Variants in SLC24A2 observed in about 807,000 individuals in gnomAD.
SLC24A2 encodes the protein sodium/potassium/calcium exchanger 2.
SLC24A2 carries 36 observed loss-of-function variants against 62.0 expected under a neutral mutation model. The observed-to-expected ratio is 0.58, with a 90% confidence interval of 0.44 to 0.77. The LOEUF (loss-of-function observed/expected upper bound fraction) is 0.77. SLC24A2 is among the 30% of genes least tolerant of loss of function. The probability of loss-of-function intolerance (pLI) is 0.00; values close to 1 mark genes in which losing one functional copy is unlikely to be tolerated. For synonymous variants in SLC24A2, 358 were observed against 294.0 expected (o/e 1.22, Z -2.23); for missense variants, 846 against 817.9 (o/e 1.03, Z -0.42).
In SLC24A2 at chr9:19,556,280, T is replaced by C. The variant is rs528899392; in HGVS notation, c.1348-6012A>G. ...TTTGGTATAGAAGTTTGCCCCCAAA[T>C]AAACATCAGGTCTTCGGTGGAGAAG... On this transcript the variant is annotated intron_variant, in intron 7 of 10. Transcript: ENST00000341998. Among the ~76,000 whole-genome samples, 233 of 152,340 alleles carry C rather than the reference T, an allele frequency of 1.5e-3. 1 individual carries two copies. The highest frequency in any genetic ancestry group is 2.7e-3 in the Non-Finnish European group (183 of 68,032).
the SLC24A2 span, among the ~76,000 whole-genome samples, chr9:20,169,224 G>T: frequency 6.6e-6 from 1 of 151,960 alleles, no homozygotes; most frequent in Non-Finnish European, 1.5e-5. Flanking sequence ...TGAGTACAGA[G>T]TTTATGCTGG....
the SLC24A2 span, among the ~76,000 whole-genome samples, chr9:20,034,668 C>T: frequency 1.3e-5 from 2 of 152,024 alleles, no homozygotes; most frequent in East Asian, 3.9e-4. Context: ...CGGGGTTTCA[C>T]CGTGTTAGCC....
At chr9:20,065,058 G>A in the SLC24A2 span, among the ~76,000 whole-genome samples, 1 of 152,192 alleles carries the variant, frequency 6.6e-6, no homozygotes, top group African/African-American at 2.4e-5. Context: ...ATGAGCTGCT[G>A]GAGACATGTG....
At chr9:19,937,627 A>T in the SLC24A2 span, among the ~76,000 whole-genome samples, 1 of 152,208 alleles carries the variant, frequency 6.6e-6, no homozygotes, top group Non-Finnish European at 1.5e-5. Context: ...CACCCGGATT[A>T]CAGCTAATCA....
chr9:19,836,255 T>G, the SLC24A2 span, among the ~76,000 whole-genome samples: 4 of 152,102 alleles, frequency 2.6e-5, no homozygotes, highest in African/African-American at 9.6e-5. Flanking sequence ...ATAAGAGATA[T>G]AAAAAACCCT....
chr9:19,956,949 G>C, the SLC24A2 span, among the ~76,000 whole-genome samples: 1 of 152,168 alleles, frequency 6.6e-6, no homozygotes, highest in Non-Finnish European at 1.5e-5. Context: ...ACCAGACACT[G>C]CATCTGTGGA....
Position 19,772,703 on chromosome 9 carries a change from T to C in SLC24A2, c.930+13234A>G, listed in dbSNP as rs576839773. ...GTATAATAAAAAAGCTAATAACAAA[T>C]GTCGGCAAAGATGTGGAGAAATCGG... On this transcript the variant is annotated intron_variant, in intron 2 of 10. Transcript: ENST00000341998. 2.0e-5 allele frequency among the ~76,000 whole-genome samples: 3 copies of C among 152,226 alleles called. No homozygotes were observed. The South Asian group carries it at 6.2e-4, about 32-fold the overall frequency.
chr9:20,202,722 T>G, the SLC24A2 span, among the ~76,000 whole-genome samples: 3 of 152,196 alleles, frequency 2.0e-5, no homozygotes, highest in Non-Finnish European at 4.4e-5. Context: ...TCGGATATAT[T>G]GCTGGATTAC....
chr9:20,284,448 A>C, the SLC24A2 span, among the ~76,000 whole-genome samples: 2 of 152,146 alleles, frequency 1.3e-5, no homozygotes, highest in East Asian at 3.9e-4. Flanking sequence ...CAGCTCAGGT[A>C]CATTATCTTA....
the SLC24A2 span, among the ~76,000 whole-genome samples, chr9:20,095,842 T>C: frequency 3.3e-5 from 5 of 151,818 alleles, no homozygotes; most frequent in Admixed American, 2.6e-4. Context: ...GAAAGGCAAG[T>C]CTTATATGGC....
chr9:19,558,883 G>C (rs1040397208), intron 7 of SLC24A2, among the ~76,000 whole-genome samples: 1 of 152,188 alleles, frequency 6.6e-6, no homozygotes. Flanking sequence ...TGCCTATATA[G>C]TGAGTGTGTG....
At chr9:20,165,148 G>T in the SLC24A2 span, among the ~76,000 whole-genome samples, 3 of 151,766 alleles carry the variant, frequency 2.0e-5, no homozygotes, top group East Asian at 5.9e-4. Flanking sequence ...AATAAAAAAA[G>T]AAAGATATGA....
intron 2 of SLC24A2, among the ~76,000 whole-genome samples, chr9:19,751,707 C>G (rs2118812686): frequency 6.6e-6 from 1 of 152,260 alleles, no homozygotes; most frequent in Middle Eastern, 3.4e-3. Context: ...TGTAGGTGAG[C>G]AGAGTACCAG....
At chr9:19,870,104 G>A in the SLC24A2 span, among the ~76,000 whole-genome samples, 2 of 151,772 alleles carry the variant, frequency 1.3e-5, no homozygotes, top group Admixed American at 6.6e-5. Context: ...ACTGTTCTGC[G>A]GCCACCACCC....
chr9:19,982,518 G>A, the SLC24A2 span, among the ~76,000 whole-genome samples: 1 of 152,152 alleles, frequency 6.6e-6, no homozygotes, highest in Non-Finnish European at 1.5e-5. Flanking sequence ...ATAAAAGGAA[G>A]AATAGACTGG....
At chr9:20,055,716 A>G in the SLC24A2 span, among the ~76,000 whole-genome samples, 2 of 152,028 alleles carry the variant, frequency 1.3e-5, no homozygotes, top group Non-Finnish European at 2.9e-5. Flanking sequence ...GGTGAAAAAC[A>G]ATCTCTACTA....
chr9:20,207,375 C>G, the SLC24A2 span, among the ~76,000 whole-genome samples: 1 of 152,212 alleles, frequency 6.6e-6, no homozygotes, highest in Admixed American at 6.5e-5. Context: ...CAGCATCAGA[C>G]TGCTACTAAA....
the SLC24A2 span, among the ~76,000 whole-genome samples, chr9:19,915,027 G>C: frequency 6.6e-6 from 1 of 151,954 alleles, no homozygotes; most frequent in African/African-American, 2.4e-5. Flanking sequence ...TCACAATGTC[G>C]TACAACTGTT....
chr9:19,859,610 A>G, the SLC24A2 span, among the ~76,000 whole-genome samples: 1 of 152,230 alleles, frequency 6.6e-6, no homozygotes, highest in Non-Finnish European at 1.5e-5. Context: ...TACATGCACA[A>G]TAAATCACCT....
Sources: gnomAD v4.1 joint callset for allele counts (sites outside exome capture counted in the v4.1 genomes callset) on GRCh38, gnomAD v4.1.1 for gene constraint, MANE v1.5 for transcripts, NCBI Gene and HGNC (gene_info 2026-07-23, HGNC 2026-07-21) for gene names.